Variants in ACVR1C observed in about 807,000 individuals in gnomAD.
ACVR1C encodes the protein activin receptor type-1C.
A neutral mutation model predicts 57.9 loss-of-function variants in ACVR1C; 23 were observed. The observed-to-expected ratio is 0.40, with a 90% confidence interval of 0.29 to 0.56. The LOEUF is 0.56. Among genes scored for constraint, ACVR1C ranks in the 20% least tolerant of loss-of-function variants. The probability of loss-of-function intolerance (pLI) is 0.50; values close to 1 mark genes in which losing one functional copy is unlikely to be tolerated. For synonymous variants in ACVR1C, 214 were observed against 215.3 expected (o/e 0.99, Z 0.05); for missense variants, 480 against 607.9 (o/e 0.79, Z 2.21).
In ACVR1C at chr2:157,548,676, G is replaced by T. The variant is rs530575701; in HGVS notation, c.775+1486C>A. ...CAAACCTGAGAAAAACAAGCAATGG[G>T]GAAAGGATTCCCTATTTAATAAATG... is the stretch of plus-strand genomic sequence containing the variant. On this transcript the variant is annotated intron_variant, in intron 4 of 8. Transcript: ENST00000243349. 1.5e-3 allele frequency among the ~76,000 whole-genome samples: 230 copies of T among 152,044 alleles called. 1 individual carries two copies. The highest frequency in any genetic ancestry group is 3.0e-3 in the Non-Finnish European group (202 of 67,982).
chr2:157,581,499 G>T (rs1197115448), intron 2 of ACVR1C, among the ~76,000 whole-genome samples: 1 of 152,044 alleles, frequency 6.6e-6, no homozygotes, highest in Non-Finnish European at 1.5e-5. Context: ...GACGGGAGGG[G>T]AGTCATGAGC....
chr2:157,554,259 G>GAAAGA (rs1553481362), intron 3 of ACVR1C, among the ~76,000 whole-genome samples: 1 of 125,348 alleles, frequency 8.0e-6, no homozygotes, highest in Non-Finnish European at 1.6e-5. Context: ...AAGAAAGAAA[G>GAAAGA]AAAGAAAGAA....
chr2:157,539,046 T>G (rs1306401730), intron 7 of ACVR1C, among the ~76,000 whole-genome samples: 1 of 150,766 alleles, frequency 6.6e-6, no homozygotes, highest in Non-Finnish European at 1.5e-5. Context: ...ATTATTAAAA[T>G]TATGTAAATT....
At chr2:157,578,059 T>G (rs1688706340) in intron 2 of ACVR1C, among the ~76,000 whole-genome samples, 1 of 152,000 alleles carries the variant, frequency 6.6e-6, no homozygotes, top group Non-Finnish European at 1.5e-5. Flanking sequence ...CATGCCACCG[T>G]GCCTGACTAA....
intron 1 of ACVR1C, among the ~76,000 whole-genome samples, chr2:157,597,889 C>A (rs907388961): frequency 6.6e-6 from 1 of 152,092 alleles, no homozygotes. Context: ...TTTGCTAGAC[C>A]GGTATTTATT....
At position 157,532,733 on chromosome 2, in the gene ACVR1C, C is replaced by T. The variant is rs1280487764; in HGVS notation, c.*1185G>A. ...GAAAGGGTAGAGGAATATCTATTTG[C>T]TGTTTCTGATACCGTCTGTAGGGTT... On this transcript the variant is annotated 3_prime_UTR_variant, in exon 9 of 9. Transcript: ENST00000243349. 2 of 152,132 alleles carry T rather than the reference C, an allele frequency of 1.3e-5. No homozygotes were observed. Among genetic ancestry groups the T allele is most frequent in the Admixed American group, 6.6e-5 (1 of 15,254 alleles). The allele number at this position is 152,132 out of a possible 1,614,324, so 9.4% of individuals were successfully genotyped here. A position where few individuals can be genotyped will look rare whatever the true frequency, so the allele number is the denominator to read the frequency against.
chr2:157,583,538 T>C (rs1399165189), intron 2 of ACVR1C, among the ~76,000 whole-genome samples: 1 of 152,138 alleles, frequency 6.6e-6, no homozygotes, highest in East Asian at 1.9e-4. Context: ...AAAATTTAAA[T>C]AAAAATGCAA....
At chr2:157,593,733 C>CA (rs1351625900) in intron 1 of ACVR1C, among the ~76,000 whole-genome samples, 1 of 152,014 alleles carries the variant, frequency 6.6e-6, no homozygotes, top group African/African-American at 2.4e-5. Context: ...TATTCCTTGT[C>CA]AAAATTTTAT....
At chr2:157,591,494 A>C (rs1339265344) in intron 1 of ACVR1C, among the ~76,000 whole-genome samples, 2 of 152,100 alleles carry the variant, frequency 1.3e-5, no homozygotes, top group South Asian at 2.1e-4. Context: ...CACCTTATGG[A>C]AATCTACAAT....
intron 1 of ACVR1C, among the ~76,000 whole-genome samples, chr2:157,613,100 C>T (rs1041316491): frequency 6.6e-6 from 1 of 152,252 alleles, no homozygotes; most frequent in East Asian, 1.9e-4. Context: ...GGGTCTCTCA[C>T]TTACCCATTC....
rs766653092 is a variant in ACVR1C at position 157,541,072 on chromosome 2, A to G, written c.1225+18T>C. On this transcript the variant is annotated intron_variant, in intron 7 of 8. Coordinates refer to ENST00000243349, the MANE Select transcript of ACVR1C (RefSeq NM_145259.3). Reference sequence around the variant, plus strand: ...TATCAAGGAAAGGCAAACACAAAGGATATTTCCAAAATTTTACCTCCGACT... The same window carrying G: ...TATCAAGGAAAGGCAAACACAAAGGGTATTTCCAAAATTTTACCTCCGACT... 6.2e-7 allele frequency: 1 copy of G among 1,609,228 alleles called. No individual in the cohort carries two copies. Among genetic ancestry groups the G allele is most frequent in the Non-Finnish European group, 8.5e-7 (1 of 1,178,556 alleles).
At chr2:157,547,743 G>A (rs1468306085) in intron 4 of ACVR1C, among the ~76,000 whole-genome samples, 119 of 150,580 alleles carry the variant, frequency 7.9e-4, no homozygotes, top group Middle Eastern at 3.4e-3. Flanking sequence ...AGTAGGCTGC[G>A]AAAATTTTCT....
In ACVR1C at chr2:157,531,305, C is replaced by T. The variant is rs1306140840; in HGVS notation, c.*2613G>A. On this transcript the variant is annotated 3_prime_UTR_variant, in exon 9 of 9. Coordinates refer to ENST00000243349, the MANE Select transcript of ACVR1C (RefSeq NM_145259.3). ...CTTATCATTTTTGCTGCTCTATTCC[C>T]TTTCTTAAAAAATGTATTTTGTAAT... is the stretch of plus-strand genomic sequence containing the variant. The T allele has an allele frequency of 6.6e-6, 1 of 151,902 alleles. No homozygotes were observed. Among genetic ancestry groups the T allele is most frequent in the African/African-American group, 2.4e-5 (1 of 41,388 alleles). 9.4% of individuals were successfully genotyped at this position (151,902 alleles called of 1,614,324 possible). A position where few individuals can be genotyped will look rare whatever the true frequency, so the allele number is the denominator to read the frequency against.
At chr2:157,596,219 C>G (rs1424080995) in intron 1 of ACVR1C, among the ~76,000 whole-genome samples, 1 of 152,028 alleles carries the variant, frequency 6.6e-6, no homozygotes, top group East Asian at 1.9e-4. Context: ...TAGAATAGAA[C>G]AGAATAGAAT....
At chr2:157,550,663 A>G (rs139526718) in intron 3 of ACVR1C, among the ~76,000 whole-genome samples, 302 of 152,268 alleles carry the variant, frequency 2.0e-3, no homozygotes, top group Admixed American at 3.5e-3. Context: ...TCTGATTTCC[A>G]AGAATTGCTG....
rs1687357181 is a variant in ACVR1C, at chr2:157,531,885, A to G, written c.*2033T>C. 6.6e-6 allele frequency: 1 copy of G among 152,064 alleles called. No homozygotes were observed. The highest frequency in any genetic ancestry group is 1.5e-5 in the Non-Finnish European group (1 of 67,982). The allele number at this position is 152,064 out of a possible 1,614,324, so 9.4% of individuals were successfully genotyped here. ...ATCCCACTTCGTATTTTATCTGTCA[A>G]TTTAATCTCTTCCCCCACACACTCA... is the stretch of plus-strand genomic sequence containing the variant. On this transcript the variant is annotated 3_prime_UTR_variant, in exon 9 of 9. Transcript: ENST00000243349.
At position 157,556,401 on chromosome 2, in the gene ACVR1C, G is replaced by A. The variant is rs572324464; in HGVS notation, c.305-69C>T. 663 of 1,577,528 alleles carry A rather than the reference G, an allele frequency of 4.2e-4. 5 individuals carry two copies. The highest frequency in any genetic ancestry group is 1.8e-3 in the Middle Eastern group (9 of 4,888). On this transcript the variant is annotated intron_variant, in intron 2 of 8. Transcript: ENST00000243349. ...TTTAAGTATTTTTGGAATTGGAATT[G>A]CAATCACCAAAATTTCACATCCAGA...
intron 4 of ACVR1C, among the ~76,000 whole-genome samples, chr2:157,545,941 A>T (rs904255575): frequency 5.9e-5 from 9 of 151,782 alleles, no homozygotes; most frequent in African/African-American, 2.2e-4. Flanking sequence ...AGCCCAGCTA[A>T]TTTTTTTATT....
chr2:157,555,061 A>G (rs1573916306), intron 3 of ACVR1C, among the ~76,000 whole-genome samples: 1 of 151,206 alleles, frequency 6.6e-6, no homozygotes, highest in South Asian at 2.1e-4. Flanking sequence ...GTTGTGAGAA[A>G]GGCTCATTTA....
Sources: allele counts gnomAD v4.1 joint callset (sites outside exome capture counted in the v4.1 genomes callset), GRCh38; gene constraint gnomAD v4.1.1; transcripts MANE v1.5; gene names NCBI Gene and HGNC (gene_info 2026-07-23, HGNC 2026-07-21).